RTN4: variants seen among roughly 807,000 people sequenced by gnomAD.
The protein encoded by RTN4 is reticulon-4.
Under a neutral mutation model 90.4 loss-of-function variants are expected in RTN4, and 32 were observed. That is an observed-to-expected ratio of 0.35 (90% confidence interval 0.27 to 0.48). The LOEUF (loss-of-function observed/expected upper bound fraction) is 0.48. Ranked by LOEUF, RTN4 falls within the 20% of genes least tolerant of loss-of-function variation. The pLI is 0.99. For synonymous variants in RTN4, 629 were observed against 552.5 expected (o/e 1.14, Z -1.94); for missense variants, 1,706 against 1,430.2 (o/e 1.19, Z -3.11).
chr2:55,044,044 A>C (rs1232933417), intron 1 of RTN4, among the ~76,000 whole-genome samples: 1 of 151,718 alleles, frequency 6.6e-6, no homozygotes, highest in Admixed American at 6.6e-5. Context: ...AAAAACACAA[A>C]AATTAGCCGG....
the RTN4 span, among the ~76,000 whole-genome samples, chr2:55,127,199 G>C: frequency 6.6e-6 from 1 of 152,164 alleles, no homozygotes; most frequent in East Asian, 1.9e-4. Flanking sequence ...AAAAAAGAAA[G>C]AGGTGGCCTT....
intron 3 of RTN4, among the ~76,000 whole-genome samples, chr2:55,011,468 C>T (rs1443117546): frequency 2.0e-5 from 3 of 152,148 alleles, no homozygotes; most frequent in Non-Finnish European, 2.9e-5. Flanking sequence ...CTTATATCTG[C>T]CTAAGCAGAA....
At chr2:55,130,983 G>A in the RTN4 span, among the ~76,000 whole-genome samples, 44 of 152,292 alleles carry the variant, frequency 2.9e-4, no homozygotes, top group Non-Finnish European at 5.6e-4. Context: ...TCATGCAAAA[G>A]TCCTGGGCCC....
intron 2 of RTN4, among the ~76,000 whole-genome samples, chr2:55,067,937 T>A (rs1668423112): frequency 6.6e-6 from 1 of 152,190 alleles, no homozygotes; most frequent in Non-Finnish European, 1.5e-5. Flanking sequence ...CAATAAATAA[T>A]TAGTAAGAAA....
At chr2:55,128,287 C>T in the RTN4 span, among the ~76,000 whole-genome samples, 1 of 152,306 alleles carries the variant, frequency 6.6e-6, no homozygotes, top group South Asian at 2.1e-4. Context: ...TCTCCAAAAA[C>T]TGGGCCTTCA....
In RTN4 at chr2:55,026,586, C is replaced by G. The variant is rs375294003; in HGVS notation, c.1513G>C (p.Val505Leu). 6.2e-7 allele frequency: 1 copy of G among 1,612,262 alleles called. No individual in the cohort carries two copies. Among genetic ancestry groups the G allele is most frequent in the Non-Finnish European group, 8.5e-7 (1 of 1,179,776 alleles). Residue 505 changes from valine to leucine, a missense_variant, in exon 3 of 9, where the codon GTA becomes CTA. Coordinates refer to ENST00000337526, the MANE Select transcript of RTN4 (RefSeq NM_020532.5). ...KKIEEKKAQI[V>L]TEKNTSTKTS... ...TTGGTGCTAGTATTCTTCTCTGTTA[C>G]TATTTGGGCCTTCTTTTCTTCTATT... is the stretch of plus-strand genomic sequence containing the variant.
chr2:55,011,540 C>A (rs77696250), intron 3 of RTN4, among the ~76,000 whole-genome samples: 1 of 152,052 alleles, frequency 6.6e-6, no homozygotes, highest in Non-Finnish European at 1.5e-5. Flanking sequence ...CTATAAGATA[C>A]GTAGCCTATG....
intron 1 of RTN4, 71 bp downstream of exon 1, chr2:55,049,674 G>A: frequency 6.7e-7 from 1 of 1,494,090 alleles, no homozygotes; most frequent in African/African-American, 1.4e-5. Context: ...CCAGCCCAAA[G>A]CATCTGGGGC....
intron 2 of RTN4, among the ~76,000 whole-genome samples, chr2:55,076,659 G>A (rs888625977): frequency 6.6e-6 from 1 of 152,012 alleles, no homozygotes; most frequent in African/African-American, 2.4e-5. Context: ...CTCCCAAAGT[G>A]CTGGGATTAC....
chr2:55,056,695 AC>A (rs1668196489), intron 2 of RTN4: 1 of 151,882 alleles, frequency 6.6e-6, no homozygotes, highest in African/African-American at 2.4e-5. Context: ...TGTAGTTTTG[AC>A]CTTCAAATTA....
In RTN4 at chr2:54,987,485, T is replaced by C. The variant is rs1469439383; in HGVS notation, c.3221+6A>G. 1.2e-6 allele frequency: 2 copies of C among 1,601,218 alleles called. No homozygotes were observed. The highest frequency in any genetic ancestry group is 3.3e-5 in the Admixed American group (2 of 59,990). On this transcript the variant is annotated splice_donor_region_variant and intron_variant, in intron 4 of 8. Transcript: ENST00000337526. ...CAATGCATGCCTTGTTTTCCAGACA[T>C]CTCACCTGAATGGGTGGCCTTCATC...
chr2:55,089,614 C>G (rs1376291926), intron 1 of RTN4, among the ~76,000 whole-genome samples: 2 of 152,264 alleles, frequency 1.3e-5, no homozygotes, highest in Non-Finnish European at 2.9e-5. Flanking sequence ...CCTGCTCCAA[C>G]TAAGTGAATG....
At chr2:55,070,008 G>A (rs1328940076) in intron 2 of RTN4, among the ~76,000 whole-genome samples, 1 of 152,188 alleles carries the variant, frequency 6.6e-6, no homozygotes, top group East Asian at 1.9e-4. Flanking sequence ...CTTTTAAAAT[G>A]TCTTGCCCAG....
chr2:55,050,209 G>A lies in RTN4; in HGVS notation c.92C>T (p.Pro31Leu). 6.4e-7 allele frequency: 1 copy of A among 1,568,244 alleles called. No individual in the cohort carries two copies. Among genetic ancestry groups the A allele is most frequent in the Non-Finnish European group, 8.6e-7 (1 of 1,160,646 alleles). The change falls in exon 1 of 9, where the codon CCC becomes CTC. Residue 31 changes from proline to leucine, a missense_variant. Coordinates refer to ENST00000337526, the MANE Select transcript of RTN4 (RefSeq NM_020532.5). This position sits in a 1 kb window ranked among gnomAD's most constrained non-coding sequence, Gnocchi z 4.6. ...PAFKYQFVRE[P>L]EDEEEEEEEE... ...CTCCTCTTCTTCCTCCTCGTCCTCGGGCTCCCTCACGAACTGGTACTTGAA... is the reference window on the plus strand; with the variant it reads ...CTCCTCTTCTTCCTCCTCGTCCTCGAGCTCCCTCACGAACTGGTACTTGAA...
At chr2:55,132,918 T>A in the RTN4 span, among the ~76,000 whole-genome samples, 1 of 151,828 alleles carries the variant, frequency 6.6e-6, no homozygotes, top group Non-Finnish European at 1.5e-5. Context: ...TATTATTATT[T>A]TTAAAAAACA....
intron 2 of RTN4, among the ~76,000 whole-genome samples, chr2:55,068,410 TATC>T (rs1668431301): frequency 6.6e-6 from 1 of 152,118 alleles, no homozygotes; most frequent in Non-Finnish European, 1.5e-5. Context: ...ATATTAATCA[TATC>T]ATCATTTCTT....
chr2:55,023,612 A>T (rs1428513230), intron 3 of RTN4, among the ~76,000 whole-genome samples: 1 of 152,014 alleles, frequency 6.6e-6, no homozygotes. Flanking sequence ...CAGCACCTGT[A>T]ATCAGATTTT....
intron 3 of RTN4, among the ~76,000 whole-genome samples, chr2:55,023,284 C>A (rs1238398145): frequency 6.6e-6 from 1 of 152,156 alleles, no homozygotes; most frequent in Non-Finnish European, 1.5e-5. Context: ...AGTCACCCTA[C>A]CATTTAGACC....
chr2:54,992,002 T>G (rs1573318838), intron 3 of RTN4, among the ~76,000 whole-genome samples: 1 of 152,220 alleles, frequency 6.6e-6, no homozygotes, highest in Non-Finnish European at 1.5e-5. Context: ...TGCCAAACAC[T>G]GCAGTAGCCT....
Sources: allele counts gnomAD v4.1 joint callset (sites outside exome capture counted in the v4.1 genomes callset), GRCh38; gene constraint gnomAD v4.1.1; non-coding constraint Gnocchi (gnomAD v3.1); transcripts MANE v1.5; gene names NCBI Gene and HGNC (gene_info 2026-07-23, HGNC 2026-07-21).